The following GALNT13 variants were observed in gnomAD, a reference collection of about 807,000 sequenced individuals.
GALNT13 encodes the protein UDP-GalNAc:polypeptide N-acetylgalactosaminyltransferase 13.
A neutral mutation model predicts 64.2 loss-of-function variants in GALNT13; 28 were observed. The observed-to-expected ratio is 0.44, with a 90% CI of 0.32 to 0.60. The LOEUF is 0.60. Ranked by LOEUF, GALNT13 falls within the 20% of genes least tolerant of loss-of-function variation. The probability of loss-of-function intolerance (pLI) is 0.05; values close to 1 mark genes in which losing one functional copy is unlikely to be tolerated. For missense variants in GALNT13, 577 were observed against 669.8 expected, an observed-to-expected ratio of 0.86 and a Z score of 1.53; for synonymous variants, 214 against 224.6, an observed-to-expected ratio of 0.95 and a Z score of 0.42.
chr2:153,295,604 G>A, the GALNT13 span, among the ~76,000 whole-genome samples: 2 of 151,384 alleles, frequency 1.3e-5, no homozygotes, highest in African/African-American at 2.4e-5. Context: ...TGTAATTTAA[G>A]TAAGTTCCCC....
At chr2:153,677,686 G>T in the GALNT13 span, among the ~76,000 whole-genome samples, 1 of 151,984 alleles carries the variant, frequency 6.6e-6, no homozygotes, top group Non-Finnish European at 1.5e-5. Flanking sequence ...AAACCAAACA[G>T]CATGGTACTC....
At chr2:153,498,593 C>T in the GALNT13 span, among the ~76,000 whole-genome samples, 1 of 152,214 alleles carries the variant, frequency 6.6e-6, no homozygotes, top group Admixed American at 6.5e-5. Flanking sequence ...CCATGTGTGG[C>T]TTCCTCTGCG....
the GALNT13 span, among the ~76,000 whole-genome samples, chr2:153,309,974 A>G: frequency 6.6e-6 from 1 of 152,266 alleles, no homozygotes; most frequent in East Asian, 1.9e-4. Context: ...AAACACTGGC[A>G]GTAAAAAACA....
the GALNT13 span, among the ~76,000 whole-genome samples, chr2:153,750,364 C>T: frequency 2.0e-5 from 3 of 151,648 alleles, no homozygotes; most frequent in Admixed American, 6.6e-5. Context: ...AATGTTCTGT[C>T]CTCCTCTATA....
At chr2:153,794,336 C>T in the GALNT13 span, among the ~76,000 whole-genome samples, 4 of 151,994 alleles carry the variant, frequency 2.6e-5, no homozygotes, top group Non-Finnish European at 5.9e-5. Context: ...CTTAAAATGT[C>T]TCTCTCTCCT....
the GALNT13 span, among the ~76,000 whole-genome samples, chr2:153,863,272 G>A: frequency 1.3e-5 from 2 of 152,020 alleles, no homozygotes; most frequent in Non-Finnish European, 2.9e-5. Flanking sequence ...ATGATTCTTG[G>A]AATCCTTTTA....
At chr2:154,359,083 A>G (rs537797540) in intron 9 of GALNT13, among the ~76,000 whole-genome samples, 1 of 152,218 alleles carries the variant, frequency 6.6e-6, no homozygotes, top group Non-Finnish European at 1.5e-5. Context: ...GTGAATCAGA[A>G]CTACAAGGTA....
the GALNT13 span, among the ~76,000 whole-genome samples, chr2:153,286,178 G>A: frequency 3.9e-5 from 6 of 152,080 alleles, no homozygotes; most frequent in Non-Finnish European, 8.8e-5. Flanking sequence ...AACTGTATAA[G>A]GGATTATATT....
At chr2:153,719,519 C>T in the GALNT13 span, among the ~76,000 whole-genome samples, 19 of 152,222 alleles carry the variant, frequency 1.2e-4, no homozygotes, top group African/African-American at 4.1e-4. Flanking sequence ...ACGCAGAAGA[C>T]GGGTGATTTC....
chr2:153,873,848 G>C (rs994217924), intron 1 of GALNT13, among the ~76,000 whole-genome samples: 3 of 150,754 alleles, frequency 2.0e-5, no homozygotes, highest in Non-Finnish European at 3.0e-5. Flanking sequence ...CTTTTTCTGT[G>C]TCTCTCTCTC....
rs1157803387 is a variant in GALNT13, at chr2:153,872,255, TGTG to T, written c.-224_-222del. The T allele has an allele frequency of 2.0e-5, 3 of 151,654 alleles. No homozygotes were observed. The highest frequency in any genetic ancestry group is 7.3e-5 in the African/African-American group (3 of 41,322). The allele number at this position is 151,654 out of a possible 1,614,324, so 9.4% of individuals were successfully genotyped here. ...GGGCTTGATCTGAGGCTGAATCCCG[TGTG>T]TGGACCGCCGTTCCCTCTTCGCGGG... is the stretch of plus-strand genomic sequence containing the variant. On this transcript the variant is annotated 5_prime_UTR_variant, in exon 1 of 13. Transcript: ENST00000392825.
the GALNT13 span, among the ~76,000 whole-genome samples, chr2:153,551,368 G>A: frequency 6.6e-6 from 1 of 152,126 alleles, no homozygotes; most frequent in African/African-American, 2.4e-5. Context: ...ATGATATGAC[G>A]GATATTAGAC....
chr2:154,084,310 A>T (rs957078529), intron 3 of GALNT13, among the ~76,000 whole-genome samples: 12 of 151,862 alleles, frequency 7.9e-5, no homozygotes, highest in African/African-American at 2.9e-4. Context: ...AAACTGGTTC[A>T]CAAGATTCTT....
chr2:154,386,171 G>A (rs189343181), intron 9 of GALNT13, among the ~76,000 whole-genome samples: 3 of 152,052 alleles, frequency 2.0e-5, no homozygotes. Context: ...TATTGCCAGG[G>A]AAGAAGACTT....
At chr2:154,134,497 A>G (rs1284155502) in intron 3 of GALNT13, among the ~76,000 whole-genome samples, 3 of 152,246 alleles carry the variant, frequency 2.0e-5, no homozygotes, top group Non-Finnish European at 4.4e-5. Context: ...ACAAAGATGT[A>G]TACATAAGGA....
the GALNT13 span, among the ~76,000 whole-genome samples, chr2:153,254,779 T>C: frequency 6.6e-6 from 1 of 152,236 alleles, no homozygotes; most frequent in Non-Finnish European, 1.5e-5. Context: ...TTGAGTGGTT[T>C]TGAGTGAGAT....
At chr2:153,075,668 T>C in the GALNT13 span, among the ~76,000 whole-genome samples, 1 of 152,124 alleles carries the variant, frequency 6.6e-6, no homozygotes, top group South Asian at 2.1e-4. Flanking sequence ...GTTTTATTAT[T>C]TACATATTTC....
chr2:153,572,745 T>G, the GALNT13 span, among the ~76,000 whole-genome samples: 3 of 151,992 alleles, frequency 2.0e-5, no homozygotes, highest in East Asian at 3.8e-4. Flanking sequence ...TGTATTTGTA[T>G]AGTTTCCAAA....
the GALNT13 span, among the ~76,000 whole-genome samples, chr2:153,250,312 G>A: frequency 2.0e-5 from 3 of 152,202 alleles, no homozygotes; most frequent in African/African-American, 4.8e-5. Context: ...TTAGAGAAAC[G>A]CAAATCAAAA....
Sources: allele counts gnomAD v4.1 joint callset (sites outside exome capture counted in the v4.1 genomes callset), GRCh38; gene constraint gnomAD v4.1.1; transcripts MANE v1.5; gene names NCBI Gene and HGNC (gene_info 2026-07-23, HGNC 2026-07-21).